Variants in CGNL1 observed in about 807,000 individuals in gnomAD.
CGNL1 encodes the protein cingulin like 1.
A neutral mutation model predicts 141.2 loss-of-function variants in CGNL1; 132 were observed. The ratio of observed to expected loss-of-function variants is 0.93; its 90% CI spans 0.81 to 1.08. The LOEUF (loss-of-function observed/expected upper bound fraction) is 1.08. CGNL1 is among the 50% of genes least tolerant of loss of function. The probability of loss-of-function intolerance (pLI) is 0.00; values close to 1 mark genes in which losing one functional copy is unlikely to be tolerated. For synonymous variants in CGNL1, 690 were observed against 622.1 expected (o/e 1.11, Z -1.63); for missense variants, 1,870 against 1,588.6 (o/e 1.18, Z -3.01).
At chr15:57,457,184 T>C (rs1321886989) in intron 7 of CGNL1, among the ~76,000 whole-genome samples, 1 of 152,230 alleles carries the variant, frequency 6.6e-6, no homozygotes, top group Non-Finnish European at 1.5e-5. Context: ...GAAGCACTTA[T>C]GCAAAAGAGG....
chr15:57,536,405 T>C (rs189341963), intron 14 of CGNL1, among the ~76,000 whole-genome samples: 122 of 152,326 alleles, frequency 8.0e-4, no homozygotes, highest in Admixed American at 2.2e-3. Context: ...GAAATCCTAA[T>C]TGAGAGAGAA....
chr15:57,377,859 A>T (rs193113727), intron 1 of CGNL1, among the ~76,000 whole-genome samples: 1 of 152,326 alleles, frequency 6.6e-6, no homozygotes, highest in Non-Finnish European at 1.5e-5. Context: ...AAAATACTTT[A>T]GGGTTTGGTC....
chr15:57,445,911 A>G (rs1332175327), intron 4 of CGNL1, among the ~76,000 whole-genome samples: 1 of 152,238 alleles, frequency 6.6e-6, no homozygotes. Flanking sequence ...CTCAGATCAG[A>G]GAGATAATAT....
At chr15:57,452,825 G>A (rs532392992) in intron 6 of CGNL1, among the ~76,000 whole-genome samples, 2 of 152,186 alleles carry the variant, frequency 1.3e-5, no homozygotes, top group Non-Finnish European at 2.9e-5. Context: ...AGAATAAACA[G>A]TGCTATGACG....
chr15:57,540,464 C>A (rs2032505033), intron 14 of CGNL1, among the ~76,000 whole-genome samples: 1 of 152,170 alleles, frequency 6.6e-6, no homozygotes, highest in African/African-American at 2.4e-5. Flanking sequence ...GAAAGACCCG[C>A]CCCCGTGATT....
At chr15:57,488,655 C>T (rs948343667) in intron 8 of CGNL1, among the ~76,000 whole-genome samples, 2 of 152,142 alleles carry the variant, frequency 1.3e-5, no homozygotes, top group African/African-American at 2.4e-5. Flanking sequence ...CATTAGTTGA[C>T]GGGATCCTTT....
At chr15:57,492,909 C>T (rs1041968134) in intron 8 of CGNL1, among the ~76,000 whole-genome samples, 2 of 152,140 alleles carry the variant, frequency 1.3e-5, no homozygotes, top group African/African-American at 4.8e-5. Context: ...ATAATTGTCC[C>T]AGAGTCTTGA....
intron 1 of CGNL1, among the ~76,000 whole-genome samples, chr15:57,424,839 C>T (rs1369623467): frequency 6.6e-6 from 1 of 152,168 alleles, no homozygotes; most frequent in East Asian, 1.9e-4. Flanking sequence ...ATGACTTGCA[C>T]TATTGAAGTC....
intron 8 of CGNL1, among the ~76,000 whole-genome samples, chr15:57,478,906 TG>T: frequency 6.6e-6 from 1 of 152,352 alleles, no homozygotes; most frequent in South Asian, 2.1e-4. Context: ...CCCAAAGTGC[TG>T]GGATAGCAGG....
At chr15:57,410,247 T>C (rs1440662713) in intron 1 of CGNL1, among the ~76,000 whole-genome samples, 1 of 152,250 alleles carries the variant, frequency 6.6e-6, no homozygotes, top group Non-Finnish European at 1.5e-5. Context: ...CTTGAAGTCA[T>C]TGTCCTTCAG....
intron 1 of CGNL1, among the ~76,000 whole-genome samples, chr15:57,436,983 A>G (rs1287187523): frequency 6.6e-6 from 1 of 152,142 alleles, no homozygotes; most frequent in Non-Finnish European, 1.5e-5. Context: ...AAAGTCTCTC[A>G]AAAGTGGAAA....
intron 10 of CGNL1, among the ~76,000 whole-genome samples, chr15:57,519,137 G>T (rs62000313): frequency 0.21 from 32,291 of 152,190 alleles, 4,588 homozygotes; most frequent in Non-Finnish European, 0.32. Flanking sequence ...TCTCAAGAAA[G>T]GCCTGTACTG....
At chr15:57,530,973 G>A (rs537951672) in intron 13 of CGNL1, among the ~76,000 whole-genome samples, 1 of 152,190 alleles carries the variant, frequency 6.6e-6, no homozygotes, top group Non-Finnish European at 1.5e-5. Flanking sequence ...CTGGTGACAG[G>A]AGAAACACGT....
chr15:57,520,157 A>C (rs1223283238), intron 10 of CGNL1, among the ~76,000 whole-genome samples: 1 of 152,252 alleles, frequency 6.6e-6, no homozygotes, highest in African/African-American at 2.4e-5. Flanking sequence ...GCAAGAATTA[A>C]AAATGGGCCT....
intron 10 of CGNL1, 49 bp from the exon 11 acceptor site, chr15:57,523,440 G>A (rs2031399130): frequency 1.3e-6 from 2 of 1,599,672 alleles, no homozygotes; most frequent in South Asian, 2.2e-5. Flanking sequence ...CGTTCCTGTG[G>A]CTACCTGGTT....
At chr15:57,394,444 C>T (rs116972642) in intron 1 of CGNL1, among the ~76,000 whole-genome samples, 1,553 of 152,134 alleles carry the variant, frequency 0.01, 17 homozygotes, top group Middle Eastern at 0.017. Context: ...TTTATAGTAA[C>T]GCTATTGATT....
intron 6 of CGNL1, among the ~76,000 whole-genome samples, chr15:57,452,805 C>A (rs2063337266): frequency 6.6e-6 from 1 of 152,090 alleles, no homozygotes. Flanking sequence ...GAATCGAAAA[C>A]CAAGGTCTAA....
Position 57,461,734 on chromosome 15 carries a change from C to A in CGNL1, c.2245C>A (p.Gln749Lys). ...AGATCTGCTGATTGCCAAAGAGGAG[C>A]AAGAAGACCTCTTGAGAAAGCGAGA... ...LQDLLIAKEE[Q>K]EDLLRKRERE... The change falls in exon 8 of 19, where the codon CAA becomes AAA. Residue 749 changes from glutamine (Q) to lysine (K), a missense_variant. Physicochemically the swap from Gln to Lys is moderately conservative, Grantham distance 53 (BLOSUM62 1). Transcript: ENST00000281282. 2 of 1,614,116 alleles carry A rather than the reference C, an allele frequency of 1.2e-6. No individual in the cohort carries two copies. The highest frequency in any genetic ancestry group is 2.2e-5 in the South Asian group (2 of 91,072).
At chr15:57,417,041 C>G (rs2062856365) in intron 1 of CGNL1, among the ~76,000 whole-genome samples, 1 of 152,148 alleles carries the variant, frequency 6.6e-6, no homozygotes, top group African/African-American at 2.4e-5. Flanking sequence ...CACTGAGCCT[C>G]AGTTGCTTCA....
Sources: gnomAD v4.1 joint callset for allele counts (sites outside exome capture counted in the v4.1 genomes callset) on GRCh38, gnomAD v4.1.1 for gene constraint, MANE v1.5 for transcripts, NCBI Gene and HGNC (gene_info 2026-07-23, HGNC 2026-07-21) for gene names.